The following LRIG1 variants were observed in gnomAD, a reference collection of about 807,000 sequenced individuals.
LRIG1 encodes the protein leucine rich repeats and immunoglobulin like domains 1.
LRIG1 carries 48 observed loss-of-function variants against 99.2 expected under a neutral mutation model. The observed-to-expected ratio is 0.48, with a 90% CI of 0.38 to 0.62. The LOEUF is 0.62. LRIG1 is among the 20% of genes least tolerant of loss of function. The pLI is 0.00. For missense variants in LRIG1, 1,646 were observed against 1,434.4 expected, an observed-to-expected ratio of 1.15 and a Z score of -2.38; for synonymous variants, 772 against 596.1, an observed-to-expected ratio of 1.29 and a Z score of -4.30.
chr3:66,496,283 T>A (rs1701226278), intron 1 of LRIG1, among the ~76,000 whole-genome samples: 1 of 152,164 alleles, frequency 6.6e-6, no homozygotes, highest in South Asian at 2.1e-4. Context: ...CAATACACAG[T>A]TAATTTACAT....
chr3:66,471,589 G>A (rs769498386), intron 1 of LRIG1, among the ~76,000 whole-genome samples: 2 of 152,180 alleles, frequency 1.3e-5, no homozygotes, highest in African/African-American at 2.4e-5. Flanking sequence ...AGGGCATGGC[G>A]GGGATGAAGG....
At chr3:66,470,048 G>T (rs1278172427) in intron 1 of LRIG1, among the ~76,000 whole-genome samples, 3 of 152,120 alleles carry the variant, frequency 2.0e-5, no homozygotes, top group African/African-American at 7.2e-5. Context: ...AAACTTGCTT[G>T]TTTCTGACTG....
intron 8 of LRIG1, 139 bp downstream of exon 8, chr3:66,407,209 C>G: frequency 1.2e-6 from 1 of 825,102 alleles, no homozygotes; most frequent in Non-Finnish European, 1.9e-6. Context: ...GTTTGAGACT[C>G]TGCACATAGA....
At chr3:66,457,349 G>C (rs910980095) in intron 2 of LRIG1, among the ~76,000 whole-genome samples, 2 of 150,714 alleles carry the variant, frequency 1.3e-5, no homozygotes, top group Non-Finnish European at 2.9e-5. Flanking sequence ...CTTAGGGTAA[G>C]GCCTGGGTCT....
Position 66,386,315 on chromosome 3 carries a change from G to C in LRIG1, c.1469-14C>G. ...TCAGGAAGTCATCTGGGGAGAGAAG[G>C]GTCAACTGTAAAGCGCTGGGTTCTT... On this transcript the variant is annotated splice_polypyrimidine_tract_variant and intron_variant, in intron 12 of 18. Transcript: ENST00000273261. 2.5e-6 allele frequency: 4 copies of C among 1,610,552 alleles called. No homozygotes were observed. The highest frequency in any genetic ancestry group is 3.4e-6 in the Non-Finnish European group (4 of 1,177,716).
intron 4 of LRIG1, among the ~76,000 whole-genome samples, chr3:66,415,796 G>T (rs1043265199): frequency 2.8e-4 from 42 of 152,304 alleles, no homozygotes; most frequent in African/African-American, 9.9e-4. Flanking sequence ...TAATAAAAAA[G>T]AAAAGAAAGT....
chr3:66,401,154 C>A (rs1047913084), intron 9 of LRIG1, among the ~76,000 whole-genome samples: 1 of 152,220 alleles, frequency 6.6e-6, no homozygotes, highest in African/African-American at 2.4e-5. Context: ...AATGTGAAAA[C>A]AATCGCATTC....
intron 12 of LRIG1, among the ~76,000 whole-genome samples, chr3:66,393,374 A>G (rs1701700220): frequency 6.6e-6 from 1 of 152,172 alleles, no homozygotes; most frequent in Admixed American, 6.5e-5. Context: ...TTTTTTGACC[A>G]TGTCTTCCTG....
In LRIG1 at chr3:66,415,020, A is replaced by G; in HGVS notation, c.547T>C (p.Phe183Leu). Residue 183 changes from phenylalanine to leucine, a missense_variant, in exon 5 of 19, where the codon TTT becomes CTT. Coordinates refer to ENST00000273261, the MANE Select transcript of LRIG1 (RefSeq NM_015541.3). Reference sequence around the variant, plus strand: ...AGCAGCGACCGTGACAGACCATCAAATGCTCCCAACTCCAGGGTGCCAATC... The same window carrying G: ...AGCAGCGACCGTGACAGACCATCAAGTGCTCCCAACTCCAGGGTGCCAATC... ...NRIGTLELGA[F>L]DGLSRSLLTL... is the part of the protein sequence containing the mutation. The G allele has an allele frequency of 6.2e-7, 1 of 1,611,942 alleles. No homozygotes were observed. The highest frequency in any genetic ancestry group is 8.5e-7 in the Non-Finnish European group (1 of 1,179,084).
chr3:66,414,087 A>G (rs1385199812), intron 5 of LRIG1, among the ~76,000 whole-genome samples: 1 of 152,178 alleles, frequency 6.6e-6, no homozygotes, highest in Non-Finnish European at 1.5e-5. Context: ...TAAACTAAAC[A>G]ATTAAATTGT....
intron 14 of LRIG1, 102 bp from the exon 15 acceptor site, chr3:66,383,503 G>T: frequency 9.6e-7 from 1 of 1,042,672 alleles, no homozygotes; most frequent in Non-Finnish European, 1.4e-6. Flanking sequence ...TCAATGAGAT[G>T]CATCTGAGAT....
In LRIG1 at chr3:66,381,610, C is replaced by T. The variant is rs1369168787; in HGVS notation, c.2639G>A (p.Ser880Asn). 4 of 1,613,866 alleles carry T rather than the reference C, an allele frequency of 2.5e-6. No individual in the cohort carries two copies. The African/African-American group carries it at 4.0e-5, about 16-fold the overall frequency. Residue 880 changes from serine to asparagine, a missense_variant, in exon 17 of 19, where the codon AGC becomes AAC. Ser to Asn is a conservative substitution (Grantham distance 46, BLOSUM62 1). Transcript: ENST00000273261. ...GTGAGTGTCGGGCTCTGGAAAGTGG[C>T]TTGCATCTCTTGGACACACACCTGC... ...ESNGVCPRDASHFPEPDTHSV... is the reference protein window; with the variant it reads ...ESNGVCPRDANHFPEPDTHSV...
At chr3:66,409,645 T>A (rs1702399676) in intron 7 of LRIG1, 1 of 156,054 alleles carries the variant, frequency 6.4e-6, no homozygotes, top group African/African-American at 2.4e-5. Flanking sequence ...GGAAGGAAGG[T>A]GGCGACTCCG....
intron 8 of LRIG1, chr3:66,406,325 C>A: frequency 1.0e-6 from 1 of 985,616 alleles, no homozygotes; most frequent in Non-Finnish European, 1.2e-6. Context: ...GTGTGCCTGT[C>A]TCTCTGCTCC....
intron 1 of LRIG1, among the ~76,000 whole-genome samples, chr3:66,477,934 T>A (rs1156310269): frequency 6.6e-6 from 1 of 152,020 alleles, no homozygotes; most frequent in Non-Finnish European, 1.5e-5. Context: ...CCAAAAAAAA[T>A]TAAACCTTGG....
At chr3:66,469,787 G>T (rs528244191) in intron 1 of LRIG1, among the ~76,000 whole-genome samples, 122 of 152,178 alleles carry the variant, frequency 8.0e-4, no homozygotes, top group Non-Finnish European at 1.5e-3. Context: ...TAAGACTCCT[G>T]GCCGGGTGTG....
rs1379549005 is a variant in LRIG1 at position 66,394,128 on chromosome 3, C to T, written c.1380G>A (p.Leu460=). The change falls in exon 12 of 19, where the codon CTG becomes CTA. Residue 460 remains leucine, a synonymous_variant. Transcript: ENST00000273261. ...CACAGGTGGCTGTCACAAAGGCCTG[C>T]AGCATCCTGCCAATTAGCCACGGGG... The part of the protein sequence containing the change: ...WLPPWLIGRM[L]QAFVTATCAH... 6.2e-7 allele frequency: 1 copy of T among 1,612,664 alleles called. No individual in the cohort carries two copies. The highest frequency in any genetic ancestry group is 2.2e-5 in the East Asian group (1 of 44,868).
At position 66,417,550 on chromosome 3, in the gene LRIG1, C is replaced by G. The variant is rs1219102158; in HGVS notation, c.366-284G>C. The G allele has an allele frequency of 7.5e-6, 3 of 400,886 alleles. No homozygotes were observed. The East Asian group carries it at 1.6e-4, about 21-fold the overall frequency. 24.8% of individuals were successfully genotyped at this position (400,886 alleles called of 1,614,324 possible). On this transcript the variant is annotated intron_variant, in intron 3 of 18. Transcript: ENST00000273261. ...GACACTGAAGACCATGTGAGACCAGCATGACCTGACCAGAATCCACGGATG... is the reference window on the plus strand; with the variant it reads ...GACACTGAAGACCATGTGAGACCAGGATGACCTGACCAGAATCCACGGATG...
Position 66,451,646 on chromosome 3 carries a change from C to G in LRIG1, c.291-13G>C. ...ATTATTGAGGTACCTGTAACAACAA[C>G]AAGAAATTAATCATGTAAGGCATTT... is the stretch of plus-strand genomic sequence containing the variant. On this transcript the variant is annotated splice_polypyrimidine_tract_variant and intron_variant, in intron 2 of 18. Coordinates refer to ENST00000273261, the MANE Select transcript of LRIG1 (RefSeq NM_015541.3). 10 of 1,603,732 alleles carry G rather than the reference C, an allele frequency of 6.2e-6. No homozygotes were observed. Among genetic ancestry groups the G allele is most frequent in the African/African-American group, 1.3e-5 (1 of 74,784 alleles).
Sources: allele counts gnomAD v4.1 joint callset (sites outside exome capture counted in the v4.1 genomes callset), GRCh38; gene constraint gnomAD v4.1.1; transcripts MANE v1.5; gene names NCBI Gene and HGNC (gene_info 2026-07-23, HGNC 2026-07-21).